Variants in MDGA2 observed in about 807,000 individuals in gnomAD.
MDGA2 encodes MAM domain-containing glycosylphosphatidylinositol anchor protein 2.
MDGA2 carries 40 observed loss-of-function variants against 117.8 expected under a neutral mutation model. The ratio of observed to expected loss-of-function variants is 0.34; its 90% CI spans 0.26 to 0.44. MDGA2 has a LOEUF of 0.44. Ranked by LOEUF, MDGA2 falls within the 20% of genes least tolerant of loss-of-function variation. The probability of loss-of-function intolerance (pLI) is 1.00; values close to 1 mark genes in which losing one functional copy is unlikely to be tolerated. For synonymous variants in MDGA2, 452 were observed against 439.0 expected (o/e 1.03, Z -0.37); for missense variants, 1,123 against 1,250.6 (o/e 0.90, Z 1.54).
chr14:46,988,354 A>G (rs984123582), intron 8 of MDGA2, among the ~76,000 whole-genome samples: 1 of 152,100 alleles, frequency 6.6e-6, no homozygotes, highest in African/African-American at 2.4e-5. Flanking sequence ...GAGTAGCATA[A>G]TTTTGATTCG....
intron 6 of MDGA2, among the ~76,000 whole-genome samples, chr14:47,073,533 G>A (rs1255731438): frequency 3.3e-5 from 5 of 152,192 alleles, no homozygotes; most frequent in African/African-American, 1.2e-4. Context: ...CTCACAGCAT[G>A]TCTATCACTA....
At position 47,185,663 on chromosome 14, in the gene MDGA2, G is replaced by A. The variant is rs545781954; in HGVS notation, c.595+32358C>T. ...AGGAAAGAAAAAATCTGTTTCATGC[G>A]GCTAACATAATCTTAACCATAAAAC... On this transcript the variant is annotated intron_variant, in intron 3 of 16. Transcript: ENST00000399232. Among the ~76,000 whole-genome samples the A allele has an allele frequency of 1.1e-3, 173 of 151,570 alleles. 1 individual carries two copies. Among genetic ancestry groups the A allele is most frequent in the African/African-American group, 4.0e-3 (165 of 41,488 alleles).
At chr14:47,050,394 C>G (rs1256148363) in intron 7 of MDGA2, among the ~76,000 whole-genome samples, 1 of 152,028 alleles carries the variant, frequency 6.6e-6, no homozygotes, top group African/African-American at 2.4e-5. Flanking sequence ...GATTTTCTGT[C>G]TACTTGTAAC....
rs372756942 is a variant in MDGA2, at chr14:46,906,972, CTTTTTTT to C, written c.2238+13033_2238+13039del. Among the ~76,000 whole-genome samples, 78 of 99,548 alleles carry C rather than the reference CTTTTTTT, an allele frequency of 7.8e-4. 1 individual carries two copies. Among genetic ancestry groups the C allele is most frequent in the African/African-American group, 2.8e-3 (75 of 26,616 alleles). 65.3% of individuals were successfully genotyped at this position (99,548 alleles called of 152,430 possible). The stretch of plus-strand genomic sequence containing the variant: ...CACTGCATTCTTTGCTTACCTTTTT[CTTTTTTT>C]TTTTTTTTTTTTTTTTGAGACGAGT... On this transcript the variant is annotated intron_variant, in intron 10 of 16. Coordinates refer to ENST00000399232, the MANE Select transcript of MDGA2 (RefSeq NM_001113498.3).
At chr14:46,842,612 C>T (rs1880663464) in intron 16 of MDGA2, among the ~76,000 whole-genome samples, 1 of 152,180 alleles carries the variant, frequency 6.6e-6, no homozygotes, top group Non-Finnish European at 1.5e-5. Context: ...CACCAATCGG[C>T]CTGGAAAGTC....
At chr14:47,351,902 AACACACACACACACAC>A (rs35860893) in intron 1 of MDGA2, among the ~76,000 whole-genome samples, 6 of 148,392 alleles carry the variant, frequency 4.0e-5, no homozygotes, top group Admixed American at 6.8e-5. Context: ...CTCTAAATTA[AACACACACACACACAC>A]ACACACACAC....
chr14:47,422,046 T>C (rs560531349), intron 1 of MDGA2, among the ~76,000 whole-genome samples: 3 of 152,294 alleles, frequency 2.0e-5, no homozygotes, highest in African/African-American at 4.8e-5. Context: ...TTATAAAATA[T>C]AGAAGTGTGC....
At chr14:47,088,361 C>T (rs1168268554) in intron 6 of MDGA2, among the ~76,000 whole-genome samples, 2 of 152,040 alleles carry the variant, frequency 1.3e-5, no homozygotes, top group Non-Finnish European at 2.9e-5. Context: ...GAGAAATAAG[C>T]ACTTAATCTG....
chr14:47,080,782 G>T (rs938034341), intron 6 of MDGA2, among the ~76,000 whole-genome samples: 5 of 152,118 alleles, frequency 3.3e-5, no homozygotes, highest in Admixed American at 1.3e-4. Context: ...ACCTGGGCCT[G>T]CATCTATCAT....
intron 1 of MDGA2, among the ~76,000 whole-genome samples, chr14:47,542,460 C>T (rs948096884): frequency 6.6e-6 from 1 of 152,074 alleles, no homozygotes; most frequent in African/African-American, 2.4e-5. Context: ...AGAAGCAATT[C>T]GATGAATCGG....
chr14:47,274,946 T>C (rs1327173746), intron 2 of MDGA2, among the ~76,000 whole-genome samples: 3 of 152,180 alleles, frequency 2.0e-5, no homozygotes, highest in Admixed American at 2.0e-4. Flanking sequence ...GAGTTCTTTA[T>C]AAACTCTCTA....
At chr14:47,375,177 A>T (rs1891450179) in intron 1 of MDGA2, among the ~76,000 whole-genome samples, 1 of 151,068 alleles carries the variant, frequency 6.6e-6, no homozygotes, top group African/African-American at 2.4e-5. Context: ...TAATAAAAAG[A>T]CTTTCATATA....
At position 47,662,690 on chromosome 14, in the gene MDGA2, A is replaced by C. The variant is rs187728838; in HGVS notation, c.280+11827T>G. ...TGATAGTGAGGCACAGGAAATAATC[A>C]GAGAGTAAGCAGACTCTGAGTAACA... On this transcript the variant is annotated intron_variant, in intron 1 of 16. Coordinates refer to ENST00000399232, the MANE Select transcript of MDGA2 (RefSeq NM_001113498.3). Among the ~76,000 whole-genome samples the C allele has an allele frequency of 6.4e-4, 98 of 152,322 alleles. 2 individuals carry two copies. The highest frequency in any genetic ancestry group is 2.3e-3 in the African/African-American group (94 of 41,574).
At chr14:47,209,233 T>A (rs1240568580) in intron 3 of MDGA2, among the ~76,000 whole-genome samples, 3 of 152,116 alleles carry the variant, frequency 2.0e-5, no homozygotes, top group African/African-American at 7.2e-5. Flanking sequence ...GGCAAAAGCC[T>A]TGTATTTTTG....
chr14:47,543,724 T>C (rs1412598736), intron 1 of MDGA2, among the ~76,000 whole-genome samples: 1 of 152,244 alleles, frequency 6.6e-6, no homozygotes, highest in African/African-American at 2.4e-5. Flanking sequence ...CCAGACTTCA[T>C]AAAAATCTAT....
intron 2 of MDGA2, among the ~76,000 whole-genome samples, chr14:47,238,326 G>C (rs1336287696): frequency 6.6e-6 from 1 of 152,066 alleles, no homozygotes; most frequent in African/African-American, 2.4e-5. Context: ...CTGAGATTGT[G>C]TAGATCTTGT....
At chr14:47,482,510 A>G (rs1893975206) in intron 1 of MDGA2, among the ~76,000 whole-genome samples, 1 of 152,104 alleles carries the variant, frequency 6.6e-6, no homozygotes, top group African/African-American at 2.4e-5. Flanking sequence ...ACAGAGAGCA[A>G]TGGACTAGAG....
At chr14:47,540,510 G>C (rs1005202048) in intron 1 of MDGA2, among the ~76,000 whole-genome samples, 1 of 107,212 alleles carries the variant, frequency 9.3e-6, no homozygotes, top group African/African-American at 3.2e-5. Flanking sequence ...GTTTGTATAT[G>C]TATATGTATA....
At chr14:47,452,870 G>T (rs953870177) in intron 1 of MDGA2, among the ~76,000 whole-genome samples, 1 of 151,960 alleles carries the variant, frequency 6.6e-6, no homozygotes, top group Non-Finnish European at 1.5e-5. Context: ...AAATTACATT[G>T]TTCTAGTGGA....
Sources: gnomAD v4.1 joint callset for allele counts (sites outside exome capture counted in the v4.1 genomes callset) on GRCh38, gnomAD v4.1.1 for gene constraint, MANE v1.5 for transcripts, NCBI Gene and HGNC (gene_info 2026-07-23, HGNC 2026-07-21) for gene names.